The following GRB7 variants were observed in gnomAD, a reference collection of about 807,000 sequenced individuals.
GRB7 encodes growth factor receptor-bound protein 7.
Under a neutral mutation model 64.1 loss-of-function variants are expected in GRB7, and 47 were observed. The observed-to-expected ratio is 0.73, with a 90% CI of 0.58 to 0.94. GRB7 has a LOEUF of 0.94. Among genes scored for constraint, GRB7 ranks in the 40% least tolerant of loss-of-function variants. The probability of loss-of-function intolerance (pLI) is 0.00; values close to 1 mark genes in which losing one functional copy is unlikely to be tolerated. For missense variants in GRB7, 634 were observed against 718.4 expected, an observed-to-expected ratio of 0.88 and a Z score of 1.34; for synonymous variants, 277 against 279.9, an observed-to-expected ratio of 0.99 and a Z score of 0.10.
chr17:39,742,209 T>C, intron 1 of GRB7, 43 bp from the exon 2 acceptor site: 2 of 1,417,546 alleles, frequency 1.4e-6, no homozygotes, highest in Non-Finnish European at 2.0e-6. Flanking sequence ...CTAACCGCCG[T>C]GTGAGGTCAG....
rs1297561952 is a variant in GRB7, at chr17:39,745,229, C to G, written c.1012-14C>G. ...CCTCTCGACCTCAAGCTCTCTTTCT[C>G]TCCCCACCCCCAGTACGGGGTGCAG... On this transcript the variant is annotated splice_polypyrimidine_tract_variant and intron_variant, in intron 9 of 14. Coordinates refer to ENST00000309156, the MANE Select transcript of GRB7 (RefSeq NM_005310.5). 1 of 1,579,244 alleles carries G rather than the reference C, an allele frequency of 6.3e-7. No homozygotes were observed. The highest frequency in any genetic ancestry group is 1.2e-5 in the South Asian group (1 of 85,500).
At position 39,745,177 on chromosome 17, in the gene GRB7, G is replaced by T; in HGVS notation, c.1012-66G>T. 7 of 1,381,210 alleles carry T rather than the reference G, an allele frequency of 5.1e-6. No individual in the cohort carries two copies. In the Admixed American group the frequency reaches 6.1e-5, roughly 12 times the overall value. 85.6% of individuals were successfully genotyped at this position (1,381,210 alleles called of 1,614,324 possible). ...TGGTCTGGGCAAGTCCTGGTCTGAGGGGGGCGTCACAGCCACGCCCCCAGG... is the reference window on the plus strand; with the variant it reads ...TGGTCTGGGCAAGTCCTGGTCTGAGTGGGGCGTCACAGCCACGCCCCCAGG... On this transcript the variant is annotated intron_variant, in intron 9 of 14. Transcript: ENST00000309156.
chr17:39,741,150 G>A (rs530173477), intron 1 of GRB7, among the ~76,000 whole-genome samples: 1 of 152,300 alleles, frequency 6.6e-6, no homozygotes, highest in East Asian at 1.9e-4. Flanking sequence ...TTGCCTGGGG[G>A]TACCAGGTGC....
rs1317276351 is a variant in GRB7, at chr17:39,746,702, C to T, written c.1453-49C>T. 1.9e-6 allele frequency: 3 copies of T among 1,594,046 alleles called. No homozygotes were observed. The South Asian group carries it at 3.3e-5, about 18-fold the overall frequency. Reference sequence around the variant, plus strand: ...GGCCCTGGCCCAGGAGGGAGCTTCCCAAGCCTCGGGCCCCTCCCTGAACTT... The same window carrying T: ...GGCCCTGGCCCAGGAGGGAGCTTCCTAAGCCTCGGGCCCCTCCCTGAACTT... On this transcript the variant is annotated intron_variant, in intron 14 of 14. Transcript: ENST00000309156.
At chr17:39,740,312 C>G (rs1292209196) in intron 1 of GRB7, 1 of 260,990 alleles carries the variant, frequency 3.8e-6, no homozygotes, top group Admixed American at 6.5e-5. Context: ...TTCATCCTGT[C>G]TGTCTTCTTG....
rs551125288 is a variant in GRB7 at position 39,743,918 on chromosome 17, G to A, written c.664-152G>A. 389 of 892,182 alleles carry A rather than the reference G, an allele frequency of 4.4e-4. 1 individual carries two copies. Among genetic ancestry groups the A allele is most frequent in the African/African-American group, 3.6e-3 (215 of 59,102 alleles). 55.3% of individuals were successfully genotyped at this position (892,182 alleles called of 1,614,324 possible). ...TGAGGTGGGAGGATCACTTGAGCTCGGGAGGTCGAGGTTGCAGTGAGCTGT... is the reference window on the plus strand; with the variant it reads ...TGAGGTGGGAGGATCACTTGAGCTCAGGAGGTCGAGGTTGCAGTGAGCTGT... On this transcript the variant is annotated intron_variant, in intron 6 of 14. Coordinates refer to ENST00000309156, the MANE Select transcript of GRB7 (RefSeq NM_005310.5).
intron 1 of GRB7, among the ~76,000 whole-genome samples, chr17:39,742,005 CAGAA>C (rs1428183484): frequency 1.5e-5 from 2 of 133,866 alleles, no homozygotes; most frequent in African/African-American, 2.9e-5. Context: ...AGAAAAAAAA[CAGAA>C]AGAGCACTGG....
rs1327762161 is a variant in GRB7 at position 39,746,012 on chromosome 17, G to A, written c.1358+12G>A. 17 of 1,613,994 alleles carry A rather than the reference G, an allele frequency of 1.1e-5. No homozygotes were observed. The highest frequency in any genetic ancestry group is 1.4e-5 in the Non-Finnish European group (16 of 1,179,882). On this transcript the variant is annotated intron_variant, in intron 13 of 14. Coordinates refer to ENST00000309156, the MANE Select transcript of GRB7 (RefSeq NM_005310.5). ...GGCTTGGTAGACGGGTAAGGGGCAG[G>A]GCCGGGCAACAGACCCAGGGATAAG...
chr17:39,746,981 G>A lies in GRB7; in HGVS notation c.*84G>A. 1 of 1,454,228 alleles carries A rather than the reference G, an allele frequency of 6.9e-7. No individual in the cohort carries two copies. The highest frequency in any genetic ancestry group is 9.3e-7 in the Non-Finnish European group (1 of 1,072,934). The allele number at this position is 1,454,228 out of a possible 1,614,324, so 90.1% of individuals were successfully genotyped here. A position where few individuals can be genotyped will look rare whatever the true frequency, so the allele number is the denominator to read the frequency against. On this transcript the variant is annotated 3_prime_UTR_variant, in exon 15 of 15. Transcript: ENST00000309156. ...CCCATCCAGTGGACTCTGGGGCGCG[G>A]CCACAGGGGACGGGATGAGGAGCGG...
Position 39,742,684 on chromosome 17 carries a change from G to C in GRB7, c.274G>C (p.Gly92Arg), listed in dbSNP as rs556705013. 1.3e-5 allele frequency: 20 copies of C among 1,584,506 alleles called. No individual in the cohort carries two copies. The East Asian group carries it at 4.3e-4, about 34-fold the overall frequency. Residue 92 changes from glycine to arginine, a missense_variant, in exon 3 of 15, where the codon GGG becomes CGG. Coordinates refer to ENST00000309156, the MANE Select transcript of GRB7 (RefSeq NM_005310.5). ...PILGGPSSAR[G>R]LLPRDASRPH... ...TCTCGGGGGCCCCTCCAGTGCAAGG[G>C]GGCTGCTCCCCCGCGATGCCAGCCG...
At position 39,743,516 on chromosome 17, in the gene GRB7, T is replaced by C. The variant is rs751782009; in HGVS notation, c.663+46T>C. The C allele has an allele frequency of 3.4e-6, 5 of 1,472,762 alleles. No homozygotes were observed. In the East Asian group the frequency reaches 6.8e-5, roughly 20 times the overall value. The allele number at this position is 1,472,762 out of a possible 1,614,324, so 91.2% of individuals were successfully genotyped here. ...ACTGCAGATTCACGACTCCCCAGCA[T>C]TGGCCAGTGCTTCTCCACCCTTAAG... On this transcript the variant is annotated intron_variant, in intron 6 of 14. Transcript: ENST00000309156.
chr17:39,747,045 G>T lies in GRB7; in HGVS notation c.*148G>T. 1.2e-6 allele frequency: 1 copy of T among 830,106 alleles called. No homozygotes were observed. Among genetic ancestry groups the T allele is most frequent in the South Asian group, 1.8e-5 (1 of 55,834 alleles). The allele number at this position is 830,106 out of a possible 1,614,324, so 51.4% of individuals were successfully genotyped here. A position where few individuals can be genotyped will look rare whatever the true frequency, so the allele number is the denominator to read the frequency against. The stretch of plus-strand genomic sequence containing the variant: ...CTCCAGTTTTCTCCTCTGCTTCTTT[G>T]CCTCCCTCAGATAGAAAACAGCCCC... On this transcript the variant is annotated 3_prime_UTR_variant, in exon 15 of 15. Coordinates refer to ENST00000309156, the MANE Select transcript of GRB7 (RefSeq NM_005310.5).
intron 8 of GRB7, 39 bp downstream of exon 8, chr17:39,744,702 G>A (rs1441805951): frequency 6.5e-7 from 1 of 1,530,922 alleles, no homozygotes; most frequent in Non-Finnish European, 8.9e-7. Context: ...GCCTGGGGAA[G>A]CAGGAACTGC....
intron 1 of GRB7, among the ~76,000 whole-genome samples, chr17:39,742,018 G>A (rs888164646): frequency 6.7e-5 from 10 of 149,604 alleles, no homozygotes; most frequent in Admixed American, 4.0e-4. Flanking sequence ...AAAGAGCACT[G>A]GACTTGGAGT....
intron 1 of GRB7, among the ~76,000 whole-genome samples, chr17:39,741,598 A>AG (rs1289248778): frequency 2.0e-5 from 3 of 152,192 alleles, no homozygotes; most frequent in African/African-American, 7.2e-5. Flanking sequence ...GTGGAGGCAA[A>AG]GGAGTGGGCC....
chr17:39,741,004 G>A (rs2059990091), intron 1 of GRB7, among the ~76,000 whole-genome samples: 1 of 152,140 alleles, frequency 6.6e-6, no homozygotes, highest in African/African-American at 2.4e-5. Flanking sequence ...GGCCAAAGGG[G>A]TCTGCTGGGT....
chr17:39,745,204 C>T (rs768022468), intron 9 of GRB7, 39 bp from the exon 10 acceptor site: 28 of 1,524,556 alleles, frequency 1.8e-5, no homozygotes, highest in Non-Finnish European at 2.4e-5. Context: ...GCCCCCAGGA[C>T]CTCTCGACCT....
intron 1 of GRB7, chr17:39,739,033 A>G (rs2059973828): frequency 2.0e-6 from 2 of 987,518 alleles, no homozygotes; most frequent in Non-Finnish European, 2.9e-6. Context: ...GGTGGGGGAT[A>G]GCAGATGGTT....
chr17:39,744,685 G>A, intron 8 of GRB7, 22 bp downstream of exon 8: 1 of 1,570,802 alleles, frequency 6.4e-7, no homozygotes, highest in South Asian at 1.1e-5. Context: ...GCCAGGCCTG[G>A]CCCCTGGCCT....
Sources: gnomAD v4.1 joint callset for allele counts (sites outside exome capture counted in the v4.1 genomes callset) on GRCh38, gnomAD v4.1.1 for gene constraint, MANE v1.5 for transcripts, NCBI Gene and HGNC (gene_info 2026-07-23, HGNC 2026-07-21) for gene names.